PDE11A: variants seen among roughly 807,000 people sequenced by gnomAD.
The protein encoded by PDE11A is dual 3',5'-cyclic-AMP and -GMP phosphodiesterase 11A.
A neutral mutation model predicts 100.5 loss-of-function variants in PDE11A; 100 were observed. The observed-to-expected ratio is 1.00, with a 90% CI of 0.85 to 1.18. The LOEUF (loss-of-function observed/expected upper bound fraction) is 1.18, where lower values mean the gene tolerates loss of function less well. Ranked by LOEUF, PDE11A falls within the 50% of genes most tolerant of loss-of-function variation. The pLI, the probability that PDE11A is intolerant of heterozygous loss-of-function variation, is 0.00. For synonymous variants in PDE11A, 381 were observed against 420.8 expected, an observed-to-expected ratio of 0.91 and a Z score of 1.16; for missense variants, 1,141 against 1,152.6, an observed-to-expected ratio of 0.99 and a Z score of 0.15.
intron 15 of PDE11A, among the ~76,000 whole-genome samples, chr2:177,690,899 A>G (rs1574048353): frequency 6.6e-6 from 1 of 152,222 alleles, no homozygotes; most frequent in African/African-American, 2.4e-5. Context: ...AAATTACTCA[A>G]CCTCTATAAG....
chr2:177,898,065 T>G lies in PDE11A; in HGVS notation c.1295A>C (p.Glu432Ala). 1.2e-6 allele frequency: 2 copies of G among 1,611,394 alleles called. No individual in the cohort carries two copies. Among genetic ancestry groups the G allele is most frequent in the Non-Finnish European group, 1.7e-6 (2 of 1,177,520 alleles). Residue 432 changes from glutamate (E) to alanine (A), a missense_variant, in exon 4 of 20, where the codon GAA becomes GCA. Glu to Ala is a moderately radical substitution (Grantham distance 107). Transcript: ENST00000286063. ...AGATAAAAGATAACTTACTGGTGAT[T>G]CGATGTCCTCTAGGAGTAAAACAGA... ...RCSVLLLEDIESPVVKFTKSF... is the reference protein window; with the variant it reads ...RCSVLLLEDIASPVVKFTKSF...
chr2:177,649,488 A>G (rs972733172), intron 19 of PDE11A, among the ~76,000 whole-genome samples: 8 of 152,216 alleles, frequency 5.3e-5, no homozygotes, highest in Non-Finnish European at 5.9e-5. Context: ...AATAATCTAA[A>G]AAATAAATTA....
chr2:177,660,093 TTCTTTCTC>T (rs1217090933), intron 19 of PDE11A, among the ~76,000 whole-genome samples: 2 of 35,856 alleles, frequency 5.6e-5, no homozygotes, highest in African/African-American at 1.9e-4. Context: ...CTTTCTTTCT[TTCTTTCTC>T]TCTCTCTCTC....
intron 2 of PDE11A, among the ~76,000 whole-genome samples, chr2:177,990,463 C>G (rs1023948300): frequency 6.6e-6 from 1 of 151,776 alleles, no homozygotes; most frequent in African/African-American, 2.4e-5. Flanking sequence ...TATTTAAGGC[C>G]AGGCAGTGGC....
chr2:177,922,681 C>G (rs928924209), intron 2 of PDE11A: 11 of 984,912 alleles, frequency 1.1e-5, no homozygotes, highest in Admixed American at 1.2e-4. Flanking sequence ...CTTCCCACTC[C>G]CTCACCCCCA....
At chr2:177,829,189 C>T (rs568001271) in intron 6 of PDE11A, among the ~76,000 whole-genome samples, 1 of 151,934 alleles carries the variant, frequency 6.6e-6, no homozygotes, top group Non-Finnish European at 1.5e-5. Flanking sequence ...GAGAGAGGAG[C>T]AGGCTTGGGG....
intron 2 of PDE11A, among the ~76,000 whole-genome samples, chr2:177,943,206 A>T (rs554370206): frequency 1.1e-4 from 17 of 152,172 alleles, no homozygotes; most frequent in Non-Finnish European, 1.9e-4. Context: ...TCTCTTCAAG[A>T]CCCTGCATTT....
intron 1 of PDE11A, among the ~76,000 whole-genome samples, chr2:178,058,033 T>C (rs1418246630): frequency 6.6e-6 from 1 of 152,050 alleles, no homozygotes; most frequent in African/African-American, 2.4e-5. Flanking sequence ...AATTTTTCTA[T>C]TTTTAGTAAA....
At chr2:177,706,611 C>T (rs1385366426) in intron 13 of PDE11A, among the ~76,000 whole-genome samples, 1 of 152,146 alleles carries the variant, frequency 6.6e-6, no homozygotes, top group East Asian at 1.9e-4. Context: ...GAAATCTTAA[C>T]GGAGGTTGGG....
intron 9 of PDE11A, among the ~76,000 whole-genome samples, chr2:177,778,159 A>G (rs886767770): frequency 3.4e-4 from 52 of 152,240 alleles, no homozygotes; most frequent in Non-Finnish European, 4.7e-4. Context: ...ACTATATTTC[A>G]AAAGAAAAAC....
At chr2:177,880,880 T>A (rs2084321083) in intron 4 of PDE11A, among the ~76,000 whole-genome samples, 1 of 152,190 alleles carries the variant, frequency 6.6e-6, no homozygotes, top group South Asian at 2.1e-4. Flanking sequence ...AAATAATAAA[T>A]AAGGTCTCTA....
chr2:177,769,442 T>C, intron 9 of PDE11A, 69 bp from the exon 10 acceptor site: 1 of 923,778 alleles, frequency 1.1e-6, no homozygotes, highest in South Asian at 1.4e-5. Context: ...TTCTCCTGGC[T>C]TAAAAATAAG....
chr2:177,769,866 C>G (rs562775561), intron 9 of PDE11A, among the ~76,000 whole-genome samples: 2 of 120,080 alleles, frequency 1.7e-5, no homozygotes, highest in African/African-American at 6.7e-5. Context: ...CCAGCCTGGG[C>G]GACAGAGTAA....
chr2:177,822,337 G>A (rs1207080907), intron 6 of PDE11A, among the ~76,000 whole-genome samples: 1 of 151,572 alleles, frequency 6.6e-6, no homozygotes, highest in Admixed American at 6.6e-5. Flanking sequence ...ACTGTTTTGA[G>A]GGAAAAAGCA....
intron 5 of PDE11A, among the ~76,000 whole-genome samples, chr2:177,868,689 C>A (rs1026617204): frequency 6.6e-6 from 1 of 152,268 alleles, no homozygotes; most frequent in Admixed American, 6.5e-5. Flanking sequence ...CAGCATGTAT[C>A]TTTAAAAGTG....
At chr2:177,939,178 G>T (rs147432027) in intron 2 of PDE11A, among the ~76,000 whole-genome samples, 360 of 152,224 alleles carry the variant, frequency 2.4e-3, no homozygotes, top group African/African-American at 8.2e-3. Flanking sequence ...GGATTTTTAA[G>T]ATGTTTTGCT....
intron 2 of PDE11A, among the ~76,000 whole-genome samples, chr2:178,079,446 G>A (rs2105877908): frequency 6.6e-6 from 1 of 152,232 alleles, no homozygotes; most frequent in South Asian, 2.1e-4. Context: ...CAGCTCCATT[G>A]ATGTCTCTGC....
chr2:177,649,545 T>C (rs992650272), intron 19 of PDE11A, among the ~76,000 whole-genome samples: 5 of 152,222 alleles, frequency 3.3e-5, no homozygotes, highest in African/African-American at 9.6e-5. Flanking sequence ...TATGCTCATA[T>C]ATGTTCATAG....
intron 2 of PDE11A, among the ~76,000 whole-genome samples, chr2:177,985,044 C>T (rs1240986061): frequency 6.6e-6 from 1 of 152,186 alleles, no homozygotes; most frequent in African/African-American, 2.4e-5. Flanking sequence ...TTACTGAGAA[C>T]CTTCCAACTT....
Sources: gnomAD v4.1 joint callset for allele counts (sites outside exome capture counted in the v4.1 genomes callset) on GRCh38, gnomAD v4.1.1 for gene constraint, MANE v1.5 for transcripts, NCBI Gene and HGNC (gene_info 2026-07-23, HGNC 2026-07-21) for gene names.